Variants in GRXCR1 observed in about 807,000 individuals in gnomAD.
The protein encoded by GRXCR1 is glutaredoxin and cysteine rich domain containing 1.
Under a neutral mutation model 27.3 loss-of-function variants are expected in GRXCR1, and 27 were observed. That is an observed-to-expected ratio of 0.99 (90% CI 0.73 to 1.37). GRXCR1 has a LOEUF of 1.37. Among genes scored for constraint, GRXCR1 ranks in the 40% most tolerant of loss-of-function variants. The pLI, the probability that GRXCR1 is intolerant of heterozygous loss-of-function variation, is 0.00. For missense variants in GRXCR1, 379 were observed against 354.4 expected, an observed-to-expected ratio of 1.07 and a Z score of -0.56; for synonymous variants, 122 against 131.1, an observed-to-expected ratio of 0.93 and a Z score of 0.47.
rs762049276 is a variant in GRXCR1 at position 42,893,315 on chromosome 4, C to T, written c.49C>T (p.Arg17Trp). ...KPESDRPRKV[R>W]FRIASSHSGR... ...AGAAAGTGACAGGCCACGGAAAGTC[C>T]GGTTTCGGATCGCGTCCTCTCACAG... The change falls in exon 1 of 4, where the codon CGG (arginine) becomes TGG (tryptophan). Residue 17 changes from arginine (R) to tryptophan (W), a missense_variant. Transcript: ENST00000399770. The T allele has an allele frequency of 5.1e-5, 82 of 1,613,554 alleles. No individual in the cohort carries two copies. The highest frequency in any genetic ancestry group is 6.7e-5 in the East Asian group (3 of 44,836).
chr4:43,002,810 A>C (rs1318723622), intron 2 of GRXCR1, among the ~76,000 whole-genome samples: 3 of 152,196 alleles, frequency 2.0e-5, no homozygotes, highest in Non-Finnish European at 4.4e-5. Context: ...GGAGGTATTG[A>C]AACTTATGAA....
intron 2 of GRXCR1, among the ~76,000 whole-genome samples, chr4:42,964,236 A>C (rs1748189592): frequency 6.6e-6 from 1 of 151,998 alleles, no homozygotes; most frequent in Admixed American, 6.6e-5. Flanking sequence ...ATCATGGTAA[A>C]AAAATAAATA....
At chr4:42,905,581 T>C (rs556737436) in intron 1 of GRXCR1, among the ~76,000 whole-genome samples, 2 of 152,320 alleles carry the variant, frequency 1.3e-5, no homozygotes, top group East Asian at 3.9e-4. Flanking sequence ...ACGTTTCCCG[T>C]TGTTCTGTCT....
At chr4:43,029,888 T>A (rs1000573367) in intron 3 of GRXCR1, among the ~76,000 whole-genome samples, 2 of 152,234 alleles carry the variant, frequency 1.3e-5, no homozygotes, top group African/African-American at 2.4e-5. Context: ...TAATTAGTAA[T>A]CTTCAGTTTA....
At chr4:42,962,772 T>G (rs1748153007) in intron 1 of GRXCR1, 120 bp from the exon 2 acceptor site, 1 of 1,092,098 alleles carries the variant, frequency 9.2e-7, no homozygotes, top group African/African-American at 1.5e-5. Context: ...GTCTTTGAAT[T>G]GACAAATGTG....
At chr4:43,012,426 T>C (rs1413294637) in intron 2 of GRXCR1, among the ~76,000 whole-genome samples, 1 of 152,192 alleles carries the variant, frequency 6.6e-6, no homozygotes, top group African/African-American at 2.4e-5. Flanking sequence ...TTTTTTACTT[T>C]ATTATGACAT....
intron 1 of GRXCR1, among the ~76,000 whole-genome samples, chr4:42,941,769 C>T (rs1408054781): frequency 6.6e-6 from 1 of 151,888 alleles, no homozygotes; most frequent in East Asian, 1.9e-4. Context: ...AACTGAAGGG[C>T]CTAACATTGA....
intron 2 of GRXCR1, among the ~76,000 whole-genome samples, chr4:43,010,017 C>A (rs1712689554): frequency 6.6e-6 from 1 of 152,072 alleles, no homozygotes. Context: ...AGTGACTCTT[C>A]TATATTGTTG....
chr4:42,958,557 C>A (rs1250456217), intron 1 of GRXCR1, among the ~76,000 whole-genome samples: 1 of 151,758 alleles, frequency 6.6e-6, no homozygotes, highest in Non-Finnish European at 1.5e-5. Context: ...GAAAAATAAA[C>A]AAGTGGGAGC....
intron 1 of GRXCR1, among the ~76,000 whole-genome samples, chr4:42,960,061 A>G (rs1269983027): frequency 1.3e-5 from 2 of 151,954 alleles, no homozygotes; most frequent in African/African-American, 4.8e-5. Flanking sequence ...TAGTATTTTG[A>G]AAATGCATGT....
chr4:43,000,583 G>T (rs28574611), intron 2 of GRXCR1, among the ~76,000 whole-genome samples: 2,551 of 151,378 alleles, frequency 0.017, 82 homozygotes, highest in African/African-American at 0.058. Context: ...TGCAAGAGTT[G>T]TGATGCTGGA....
At chr4:43,000,412 G>C (rs528641982) in intron 2 of GRXCR1, among the ~76,000 whole-genome samples, 1 of 150,682 alleles carries the variant, frequency 6.6e-6, no homozygotes, top group African/African-American at 2.5e-5. Context: ...GGACTAGGAG[G>C]TTGCAGTGAG....
At chr4:43,002,141 C>G (rs1398153180) in intron 2 of GRXCR1, among the ~76,000 whole-genome samples, 2 of 152,252 alleles carry the variant, frequency 1.3e-5, no homozygotes, top group East Asian at 3.9e-4. Context: ...AGGCAGGAGA[C>G]AGTGGCCTTC....
At chr4:42,986,921 C>A (rs1416434076) in intron 2 of GRXCR1, among the ~76,000 whole-genome samples, 1 of 151,348 alleles carries the variant, frequency 6.6e-6, no homozygotes, top group Admixed American at 6.6e-5. Flanking sequence ...CATTGAGTAC[C>A]TTCTGTGCGA....
intron 2 of GRXCR1, among the ~76,000 whole-genome samples, chr4:42,998,796 T>G (rs1056545939): frequency 6.6e-6 from 1 of 152,224 alleles, no homozygotes; most frequent in African/African-American, 2.4e-5. Context: ...TTCACCTTTT[T>G]GATCATTCTT....
chr4:42,936,264 A>G (rs1241555650), intron 1 of GRXCR1, among the ~76,000 whole-genome samples: 3 of 151,896 alleles, frequency 2.0e-5, no homozygotes, highest in Admixed American at 2.0e-4. Flanking sequence ...GAGACCACAT[A>G]CCAAGTTGAA....
chr4:42,987,686 T>C (rs1373059800), intron 2 of GRXCR1, among the ~76,000 whole-genome samples: 1 of 152,150 alleles, frequency 6.6e-6, no homozygotes, highest in Non-Finnish European at 1.5e-5. Context: ...ACCTGACATA[T>C]AACCATGTTG....
intron 1 of GRXCR1, among the ~76,000 whole-genome samples, chr4:42,925,455 T>C (rs1747138557): frequency 6.6e-6 from 1 of 152,036 alleles, no homozygotes; most frequent in African/African-American, 2.4e-5. Flanking sequence ...AAAGGTTCAT[T>C]TTAAGAATAA....
intron 2 of GRXCR1, among the ~76,000 whole-genome samples, chr4:43,014,425 G>A (rs1370230941): frequency 1.3e-5 from 2 of 152,110 alleles, no homozygotes; most frequent in African/African-American, 4.8e-5. Context: ...TCTTTTGGCA[G>A]GCATCATGCT....
Sources: gnomAD v4.1 joint callset for allele counts (sites outside exome capture counted in the v4.1 genomes callset) on GRCh38, gnomAD v4.1.1 for gene constraint, MANE v1.5 for transcripts, NCBI Gene and HGNC (gene_info 2026-07-23, HGNC 2026-07-21) for gene names.